The following TMEM79 variants were observed in gnomAD, a reference collection of about 807,000 sequenced individuals.
The protein encoded by TMEM79 is mattrin.
In TMEM79, 30 loss-of-function variants were observed where a neutral mutation model predicts 31.2. The observed-to-expected ratio is 0.96, with a 90% confidence interval of 0.72 to 1.30. TMEM79 has a LOEUF of 1.30. Ranked by LOEUF, TMEM79 falls within the 50% of genes most tolerant of loss-of-function variation. The pLI, the probability that TMEM79 is intolerant of heterozygous loss-of-function variation, is 0.00. For missense variants in TMEM79, 509 were observed against 528.2 expected (o/e 0.96, Z 0.36); for synonymous variants, 213 against 229.5 (o/e 0.93, Z 0.65).
chr1:156,289,493 T>A (rs1663254541), intron 3 of TMEM79, among the ~76,000 whole-genome samples: 1 of 152,176 alleles, frequency 6.6e-6, no homozygotes, highest in African/African-American at 2.4e-5. Context: ...GTACCTGTAG[T>A]CCCAGCTACT....
chr1:156,286,601 G>C (rs1663170800), intron 3 of TMEM79, 128 bp downstream of exon 3: 1 of 905,998 alleles, frequency 1.1e-6, no homozygotes, highest in African/African-American at 1.7e-5. Context: ...GTGCCCTGGG[G>C]AGATAAGTCC....
chr1:156,285,331 G>A lies in TMEM79; in HGVS notation c.105G>A (p.Gly35=). The change falls in exon 2 of 4, where the codon GGG becomes GGA. Residue 35 remains glycine (G), a synonymous_variant. Transcript: ENST00000405535. ...TTCCCAATGGCCGGCAGCCAGAAGG[G>A]GAAGGTGGGGCCGAATCCCCGGGAG... The part of the protein sequence containing the change: ...ALVPNGRQPE[G]EGGAESPGAE... 6.4e-7 allele frequency: 1 copy of A among 1,574,052 alleles called. No individual in the cohort carries two copies. The highest frequency in any genetic ancestry group is 8.6e-7 in the Non-Finnish European group (1 of 1,162,666).
At chr1:156,286,521 GA>G in intron 3 of TMEM79, 48 bp downstream of exon 3, 1 of 1,586,762 alleles carries the variant, frequency 6.3e-7, no homozygotes, top group Non-Finnish European at 8.6e-7. Flanking sequence ...TGGTGCTAGA[GA>G]ACCTAGGCAT....
Position 156,285,523 on chromosome 1 carries a change from A to T in TMEM79, c.297A>T (p.Pro99=), listed in dbSNP as rs553983602. The T allele has an allele frequency of 3.7e-6, 6 of 1,614,188 alleles. No individual in the cohort carries two copies. Among genetic ancestry groups the T allele is most frequent in the Non-Finnish European group, 5.1e-6 (6 of 1,180,038 alleles). The change falls in exon 2 of 4, where the codon CCA becomes CCT. Residue 99 remains proline (P), a synonymous_variant. Transcript: ENST00000405535. ...PDPPGWRDIE[P]EPPESEPLTK... ...CCCCTGGCTGGCGGGACATTGAACC[A>T]GAGCCCCCTGAGTCAGAACCACTTA...
intron 3 of TMEM79, among the ~76,000 whole-genome samples, chr1:156,288,482 G>A (rs1356505343): frequency 6.6e-6 from 1 of 151,852 alleles, no homozygotes; most frequent in African/African-American, 2.4e-5. Context: ...TTACAGGTGT[G>A]AGCCACCATG....
At chr1:156,288,132 G>A (rs908065878) in intron 3 of TMEM79, among the ~76,000 whole-genome samples, 10 of 150,460 alleles carry the variant, frequency 6.6e-5, no homozygotes, top group African/African-American at 2.0e-4. Context: ...GGAGAATGGC[G>A]TGAACCCGGG....
chr1:156,285,766 G>A lies in TMEM79; in HGVS notation c.540G>A (p.Arg180=), dbSNP rs762730860. The change falls in exon 2 of 4, where the codon AGG becomes AGA. Residue 180 remains arginine (R), a synonymous_variant. Transcript: ENST00000405535. ...TERKWAEAVV[R]PPGCSCGGCG... is the part of the protein sequence containing the mutation. ...GCAAGTGGGCTGAGGCAGTGGTGAG[G>A]CCGCCTGGCTGTTCCTGTGGGGGCT... 1.9e-6 allele frequency: 3 copies of A among 1,613,220 alleles called. No homozygotes were observed. Among genetic ancestry groups the A allele is most frequent in the Middle Eastern group, 1.6e-4 (1 of 6,082 alleles).
At chr1:156,287,315 C>T (rs1042333717) in intron 3 of TMEM79, among the ~76,000 whole-genome samples, 2 of 152,046 alleles carry the variant, frequency 1.3e-5, no homozygotes, top group African/African-American at 2.4e-5. Context: ...ATTCAGGAGG[C>T]GGAGGCAGGA....
At position 156,291,411 on chromosome 1, in the gene TMEM79, T is replaced by C. The variant is rs2101595769; in HGVS notation, c.998T>C (p.Val333Ala). 2 of 1,614,068 alleles carry C rather than the reference T, an allele frequency of 1.2e-6. No homozygotes were observed. The highest frequency in any genetic ancestry group is 2.2e-5 in the South Asian group (2 of 91,080). ...CTGATCTACTGGCTGACCTTTGCCG[T>C]GGGCCGCTCCTTCCGAGGCTTCGGC... is the stretch of plus-strand genomic sequence containing the variant. ...SRLIYWLTFA[V>A]GRSFRGFGYG... The change falls in exon 4 of 4, where the codon GTG becomes GCG. Residue 333 changes from valine (V) to alanine (A), a missense_variant. Physicochemically the swap from Val to Ala is moderately conservative, Grantham distance 64. Transcript: ENST00000405535.
chr1:156,283,488 CAT>C (rs1396453621), upstream of TMEM79, among the ~76,000 whole-genome samples: 1 of 152,026 alleles, frequency 6.6e-6, no homozygotes, highest in Non-Finnish European at 1.5e-5. Context: ...GATAAGGACT[CAT>C]AGAAATGAGA....
In TMEM79 at chr1:156,292,372, A is replaced by G. The variant is rs1663365985; in HGVS notation, c.*774A>G. 1 of 138,672 alleles carries G rather than the reference A, an allele frequency of 7.2e-6. No individual in the cohort carries two copies. Among genetic ancestry groups the G allele is most frequent in the South Asian group, 2.4e-4 (1 of 4,108 alleles). 8.6% of individuals were successfully genotyped at this position (138,672 alleles called of 1,614,324 possible). Reference sequence around the variant, plus strand: ...CTGGATGGTGCGGTGGTTGATGTTAACCTAGTGTGTGTGTGTGTGTGTGTG... The same window carrying G: ...CTGGATGGTGCGGTGGTTGATGTTAGCCTAGTGTGTGTGTGTGTGTGTGTG... On this transcript the variant is annotated 3_prime_UTR_variant, in exon 4 of 4. Transcript: ENST00000405535.
intron 3 of TMEM79, 69 bp from the exon 4 acceptor site, chr1:156,291,316 G>C: frequency 6.9e-7 from 1 of 1,456,730 alleles, no homozygotes; most frequent in South Asian, 1.2e-5. Context: ...TCCCCCCACC[G>C]TCAGCCTATT....
rs749899305 is a variant in TMEM79 at position 156,285,486 on chromosome 1, C to T, written c.260C>T (p.Pro87Leu). ...GGGACTGGCCCTCAGCCCAGTGCTC[C>T]GTTCCCGGATCCCCCTGGCTGGCGG... ...PWGTGPQPSA[P>L]FPDPPGWRDI... Residue 87 changes from proline (P) to leucine (L), a missense_variant, in exon 2 of 4, where the codon CCG becomes CTG. By Grantham distance (98) the Pro-to-Leu change is moderately conservative. Coordinates refer to ENST00000405535, the MANE Select transcript of TMEM79 (RefSeq NM_032323.3). The T allele has an allele frequency of 3.7e-6, 6 of 1,614,148 alleles. No individual in the cohort carries two copies. The highest frequency in any genetic ancestry group is 1.1e-5 in the South Asian group (1 of 91,088).
intron 3 of TMEM79, 30 bp downstream of exon 3, chr1:156,286,503 A>G: frequency 6.2e-7 from 1 of 1,607,840 alleles, no homozygotes; most frequent in Non-Finnish European, 8.5e-7. Flanking sequence ...GGGGCATGGG[A>G]GAGGGGATGG....
chr1:156,285,046 G>A (rs1572606322), intron 1 of TMEM79, 138 bp from the exon 2 acceptor site: 2 of 583,116 alleles, frequency 3.4e-6, no homozygotes, highest in East Asian at 6.4e-5. Context: ...GTCTTCCTCT[G>A]TACCACGTTC....
chr1:156,285,988 G>C lies in TMEM79; in HGVS notation c.757+5G>C. On this transcript the variant is annotated splice_donor_5th_base_variant and intron_variant, in intron 2 of 3. Transcript: ENST00000405535. ...CCACCTTCCCCATTGTGCTGGGTGAGCCTGTGAGAAGAAAGGGGGCATCGG... is the reference window on the plus strand; with the variant it reads ...CCACCTTCCCCATTGTGCTGGGTGACCCTGTGAGAAGAAAGGGGGCATCGG... 6.3e-7 allele frequency: 1 copy of C among 1,595,336 alleles called. No homozygotes were observed. Among genetic ancestry groups the C allele is most frequent in the Non-Finnish European group, 8.5e-7 (1 of 1,170,580 alleles).
chr1:156,285,088 T>C (rs1572606367), intron 1 of TMEM79, 96 bp from the exon 2 acceptor site: 3 of 1,099,062 alleles, frequency 2.7e-6, no homozygotes, highest in East Asian at 5.5e-5. Context: ...CCAAAACCCA[T>C]GAAGCCAGTT....
At position 156,291,487 on chromosome 1, in the gene TMEM79, C is replaced by T. The variant is rs1206096126; in HGVS notation, c.1074C>T (p.Tyr358=). 5 of 1,613,372 alleles carry T rather than the reference C, an allele frequency of 3.1e-6. No homozygotes were observed. The South Asian group carries it at 5.5e-5, about 18-fold the overall frequency. ...PLLSMLMWNL[Y]YMFVVEPERM... ...TGTCGATGCTGATGTGGAACCTCTA[C>T]TACATGTTCGTGGTGGAGCCGGAGC... Residue 358 remains tyrosine (Y), a synonymous_variant, in exon 4 of 4, where the codon TAC becomes TAT. Coordinates refer to ENST00000405535, the MANE Select transcript of TMEM79 (RefSeq NM_032323.3).
intron 1 of TMEM79, among the ~76,000 whole-genome samples, 198 bp from the exon 2 acceptor site, chr1:156,284,986 G>T (rs930166847): frequency 6.6e-6 from 1 of 152,120 alleles, no homozygotes; most frequent in Non-Finnish European, 1.5e-5. Flanking sequence ...TGTCGAAAGG[G>T]TGCCTCCATT....
Sources: allele counts gnomAD v4.1 joint callset (sites outside exome capture counted in the v4.1 genomes callset), GRCh38; gene constraint gnomAD v4.1.1; transcripts MANE v1.5; gene names NCBI Gene and HGNC (gene_info 2026-07-23, HGNC 2026-07-21).